NRXN3: variants seen among roughly 807,000 people sequenced by gnomAD.
NRXN3 encodes neurexin 3.
In NRXN3, 32 loss-of-function variants were observed where a neutral mutation model predicts 137.6. The ratio of observed to expected loss-of-function variants is 0.23; its 90% CI spans 0.18 to 0.31. The LOEUF (loss-of-function observed/expected upper bound fraction) is 0.31, where lower values mean the gene tolerates loss of function less well. Among genes scored for constraint, NRXN3 ranks in the 10% least tolerant of loss-of-function variants. The pLI is 1.00. For synonymous variants in NRXN3, 798 were observed against 784.5 expected, an observed-to-expected ratio of 1.02 and a Z score of -0.29; for missense variants, 1,574 against 2,062.5, an observed-to-expected ratio of 0.76 and a Z score of 4.59.
intron 19 of NRXN3, among the ~76,000 whole-genome samples, chr14:79,711,270 C>A (rs574176881): frequency 9.2e-5 from 14 of 152,244 alleles, no homozygotes; most frequent in African/African-American, 3.4e-4. Flanking sequence ...GAGCCCCACA[C>A]AACCAGATGA....
intron 4 of NRXN3, among the ~76,000 whole-genome samples, chr14:78,366,829 A>G (rs1196429439): frequency 6.6e-6 from 1 of 152,230 alleles, no homozygotes; most frequent in Admixed American, 6.5e-5. Flanking sequence ...GAGAGTTACA[A>G]TTCAATATGA....
chr14:78,860,585 A>AT (rs1227483050), intron 10 of NRXN3, among the ~76,000 whole-genome samples: 1 of 152,172 alleles, frequency 6.6e-6, no homozygotes, highest in East Asian at 1.9e-4. Context: ...ACTAGGATGC[A>AT]TTTTTTAAAT....
chr14:79,074,113 T>C (rs550372797), intron 15 of NRXN3, among the ~76,000 whole-genome samples: 1 of 152,326 alleles, frequency 6.6e-6, no homozygotes, highest in African/African-American at 2.4e-5. Context: ...AGTCATGACT[T>C]ATACATGACT....
chr14:78,397,731 G>A (rs2091619519), intron 4 of NRXN3, among the ~76,000 whole-genome samples: 2 of 151,650 alleles, frequency 1.3e-5, no homozygotes, highest in South Asian at 4.2e-4. Context: ...AGCCTCCCAA[G>A]TAGCTGGAAT....
chr14:78,173,709 C>CTTTTTTTTTTT lies in NRXN3; in HGVS notation c.-704+3040_-704+3050dup, dbSNP rs10638142. On this transcript the variant is annotated intron_variant, in intron 1 of 20. Transcript: ENST00000335750. Reference sequence around the variant, plus strand: ...CGGCTCTTTTTTCCCTTTTTCCTTGCTTTTTTTTTTTTTTTGCAACACAAC... The same window carrying CTTTTTTTTTTT: ...CGGCTCTTTTTTCCCTTTTTCCTTGCTTTTTTTTTTTTTTTTTTTTTTTTTTGCAACACAAC... Among the ~76,000 whole-genome samples, 40 of 69,334 alleles carry CTTTTTTTTTTT rather than the reference C, an allele frequency of 5.8e-4. 8 individuals carry two copies. Among genetic ancestry groups the CTTTTTTTTTTT allele is most frequent in the East Asian group, 2.0e-3 (4 of 1,964 alleles). The allele number at this position is 69,334 out of a possible 152,430, so 45.5% of individuals were successfully genotyped here.
At position 78,184,821 on chromosome 14, in the gene NRXN3, G is replaced by A. The variant is rs142165802; in HGVS notation, c.-704+14147G>A. ...CTGGGGAGCTGAACTAGGGAGTTGC[G>A]CAAGTAGTTGGGGCAGATTTGGTAA... On this transcript the variant is annotated intron_variant, in intron 1 of 20. Coordinates refer to ENST00000335750, the MANE Select transcript of NRXN3 (RefSeq NM_001330195.2). Among the ~76,000 whole-genome samples the A allele has an allele frequency of 1.1e-4, 17 of 152,302 alleles. No individual in the cohort carries two copies. The East Asian group carries it at 1.4e-3, about 12-fold the overall frequency.
At chr14:79,615,685 G>C (rs748013613) in intron 16 of NRXN3, among the ~76,000 whole-genome samples, 52 of 152,140 alleles carry the variant, frequency 3.4e-4, no homozygotes, top group Non-Finnish European at 4.9e-4. Context: ...CAGAGTGAAG[G>C]GGGGAAAAGC....
intron 10 of NRXN3, among the ~76,000 whole-genome samples, chr14:78,941,872 G>A (rs1375772112): frequency 1.3e-5 from 2 of 152,206 alleles, no homozygotes; most frequent in East Asian, 1.9e-4. Flanking sequence ...TAGCCCTGAA[G>A]TGGCAAGGAC....
rs150409846 is a variant in NRXN3, at chr14:79,788,541, G to T, written c.4015-16571G>T. Among the ~76,000 whole-genome samples, 9 of 152,302 alleles carry T rather than the reference G, an allele frequency of 5.9e-5. No homozygotes were observed. The East Asian group carries it at 1.5e-3, about 26-fold the overall frequency. ...ATTTCAAACCACATAACAATAGCAT[G>T]AAGTAGATGTCACTGACTCAAATTA... is the stretch of plus-strand genomic sequence containing the variant. On this transcript the variant is annotated intron_variant, in intron 19 of 20. Transcript: ENST00000335750.
At chr14:79,218,690 G>T (rs1367745257) in intron 15 of NRXN3, among the ~76,000 whole-genome samples, 1 of 152,140 alleles carries the variant, frequency 6.6e-6, no homozygotes, top group Non-Finnish European at 1.5e-5. Context: ...ATACAAAAGA[G>T]TCTTATGGCA....
intron 4 of NRXN3, among the ~76,000 whole-genome samples, chr14:78,603,373 G>A (rs1049792600): frequency 3.3e-5 from 5 of 152,186 alleles, no homozygotes; most frequent in Non-Finnish European, 7.3e-5. Context: ...TGGGCTGCCT[G>A]CAGCAGCTGT....
chr14:79,754,645 C>G (rs973760248), intron 19 of NRXN3, among the ~76,000 whole-genome samples: 1 of 149,442 alleles, frequency 6.7e-6, no homozygotes, highest in Non-Finnish European at 1.5e-5. Context: ...TATTTATAAA[C>G]TGATATTTTA....
At chr14:78,872,932 T>A (rs1166599964) in intron 10 of NRXN3, among the ~76,000 whole-genome samples, 1 of 152,166 alleles carries the variant, frequency 6.6e-6, no homozygotes, top group Non-Finnish European at 1.5e-5. Context: ...CCTCTTCAAG[T>A]CAGATTCCAA....
chr14:79,415,056 T>A (rs2095476500), intron 15 of NRXN3, among the ~76,000 whole-genome samples: 1 of 152,186 alleles, frequency 6.6e-6, no homozygotes, highest in Admixed American at 6.6e-5. Context: ...TGTCACAGGA[T>A]GAATAATATT....
chr14:78,949,773 T>G (rs2099383663), intron 10 of NRXN3, among the ~76,000 whole-genome samples: 1 of 152,160 alleles, frequency 6.6e-6, no homozygotes, highest in Admixed American at 6.5e-5. Context: ...TAAGCTGTAT[T>G]TTGCATTCCT....
intron 16 of NRXN3, among the ~76,000 whole-genome samples, chr14:79,485,799 G>T (rs981610640): frequency 1.3e-5 from 2 of 152,100 alleles, no homozygotes; most frequent in African/African-American, 4.8e-5. Context: ...AGCTAACGGG[G>T]CACTGTCAAC....
intron 4 of NRXN3, among the ~76,000 whole-genome samples, chr14:78,442,717 C>T (rs192145237): frequency 6.6e-6 from 1 of 152,318 alleles, no homozygotes; most frequent in Admixed American, 6.5e-5. Flanking sequence ...AGTCCTGTTA[C>T]TCCCACACCA....
At chr14:78,665,994 CAT>C (rs1254963709) in intron 6 of NRXN3, among the ~76,000 whole-genome samples, 1 of 152,292 alleles carries the variant, frequency 6.6e-6, no homozygotes, top group South Asian at 2.1e-4. Context: ...TGTAAGCTCA[CAT>C]GTTACTGTGC....
At chr14:78,918,954 C>T (rs1419309813) in intron 10 of NRXN3, among the ~76,000 whole-genome samples, 3 of 152,060 alleles carry the variant, frequency 2.0e-5, no homozygotes, top group East Asian at 1.9e-4. Flanking sequence ...CTCATCGTTA[C>T]GTGAAGCATG....
Sources: allele counts gnomAD v4.1 joint callset (sites outside exome capture counted in the v4.1 genomes callset), GRCh38; gene constraint gnomAD v4.1.1; transcripts MANE v1.5; gene names NCBI Gene and HGNC (gene_info 2026-07-23, HGNC 2026-07-21).